Variants in P3H1 observed in about 807,000 individuals in gnomAD.
P3H1 encodes the protein prolyl 3-hydroxylase 1.
Under a neutral mutation model 84.0 loss-of-function variants are expected in P3H1, and 69 were observed. The ratio of observed to expected loss-of-function variants is 0.82; its 90% CI spans 0.68 to 1.00. The LOEUF is 1.00. Ranked by LOEUF, P3H1 falls within the 50% of genes least tolerant of loss-of-function variation. P3H1 has a pLI of 0.00. For missense variants in P3H1, 878 were observed against 962.8 expected, an observed-to-expected ratio of 0.91 and a Z score of 1.17; for synonymous variants, 366 against 388.8, an observed-to-expected ratio of 0.94 and a Z score of 0.69.
intron 13 of P3H1, 146 bp from the exon 14 acceptor site, chr1:42,747,558 C>T: frequency 9.0e-7 from 1 of 1,108,490 alleles, no homozygotes; most frequent in Non-Finnish European, 1.4e-6. Flanking sequence ...GAAAGGGTGA[C>T]TGGTTAGAGG....
At chr1:42,748,739 T>G in intron 11 of P3H1, 3 of 274,900 alleles carry the variant, frequency 1.1e-5, no homozygotes, top group South Asian at 3.8e-5. Context: ...AGAGAAGAGC[T>G]GGCTAGCAAA....
intron 1 of P3H1, among the ~76,000 whole-genome samples, chr1:42,763,999 A>G (rs563865719): frequency 6.6e-5 from 10 of 151,466 alleles, no homozygotes; most frequent in East Asian, 2.0e-4. Flanking sequence ...GCGTGGTGGC[A>G]TGTGCCTGTA....
chr1:42,754,939 C>G lies in P3H1; in HGVS notation c.1275G>C (p.Met425Ile). The change falls in exon 8 of 15, where the codon ATG becomes ATC. Residue 425 changes from methionine (M) to isoleucine (I), a missense_variant. Transcript: ENST00000296388. This position sits in a 1 kb window ranked among gnomAD's most constrained non-coding sequence, Gnocchi z 4.0. ...CTTCCACAAGGGTCTCGATTTCCTT[C>G]ATAAGGTTCCCAATCTCCTGGGAGA... Reference protein sequence around the residue: ...VRISQEIGNLMKEIETLVEEK... With the variant: ...VRISQEIGNLIKEIETLVEEK... 6.2e-7 allele frequency: 1 copy of G among 1,614,232 alleles called. No homozygotes were observed. The highest frequency in any genetic ancestry group is 1.1e-5 in the South Asian group (1 of 91,090).
In P3H1 at chr1:42,751,874, C is replaced by T. The variant is rs540103233; in HGVS notation, c.1569+400G>A. On this transcript the variant is annotated intron_variant, in intron 10 of 14. Coordinates refer to ENST00000296388, the MANE Select transcript of P3H1 (RefSeq NM_022356.4). ...GACAATGAGTACCAGGCCCATCCCA[C>T]GTCCCCACACCCCCACTGAAGCTGC... 227 of 322,272 alleles carry T rather than the reference C, an allele frequency of 7.0e-4. 1 individual carries two copies. The highest frequency in any genetic ancestry group is 3.6e-3 in the East Asian group (46 of 12,774). The allele number at this position is 322,272 out of a possible 1,614,324, so 20.0% of individuals were successfully genotyped here.
chr1:42,750,659 TG>T lies in P3H1; in HGVS notation c.1570-324del, dbSNP rs1232774164. Among the ~76,000 whole-genome samples, 4 of 41,916 alleles carry T rather than the reference TG, an allele frequency of 9.5e-5. 2 individuals carry two copies. Among genetic ancestry groups the T allele is most frequent in the South Asian group, 3.0e-3 (2 of 660 alleles). 27.5% of individuals were successfully genotyped at this position (41,916 alleles called of 152,430 possible). ...CGTCCGGGAGGGAGGCCGGGGGGGG[TG>T]GTCGGCCAGCCGCCCCGTCCGGGAG... On this transcript the variant is annotated intron_variant, in intron 10 of 14. Transcript: ENST00000296388.
In P3H1 at chr1:42,750,655, G is replaced by GA. The variant is rs1301230654; in HGVS notation, c.1570-320_1570-319insT. Among the ~76,000 whole-genome samples, 2,104 of 130,938 alleles carry GA rather than the reference G, an allele frequency of 0.016. 580 individuals are homozygous for GA. The highest frequency in any genetic ancestry group is 0.065 in the African/African-American group (1,999 of 30,700). 85.9% of individuals were successfully genotyped at this position (130,938 alleles called of 152,430 possible). ...ACCCCGTCCGGGAGGGAGGCCGGGG[G>GA]GGGTGGTCGGCCAGCCGCCCCGTCC... On this transcript the variant is annotated intron_variant, in intron 10 of 14. Transcript: ENST00000296388.
At position 42,752,325 on chromosome 1, in the gene P3H1, TG is replaced by T; in HGVS notation, c.1517del (p.Pro506HisfsTer36). The T allele has an allele frequency of 6.2e-7, 1 of 1,614,114 alleles. No individual in the cohort carries two copies. Among genetic ancestry groups the T allele is most frequent in the Non-Finnish European group, 8.5e-7 (1 of 1,180,030 alleles). ...CATAGAACTTTTCATTGGGAGTATG[TG>T]GGGAGGTCTGACCCCGGTAGCCATC... is the stretch of plus-strand genomic sequence containing the variant. ...SGDGYRGQTS[P>X]HTPNEKFYGV... On this transcript the variant is annotated frameshift_variant, in exon 10 of 15. Transcript: ENST00000296388. LOFTEE classifies it high-confidence loss of function.
At position 42,746,590 on chromosome 1, in the gene P3H1, G is replaced by T; in HGVS notation, c.*107C>A. 1.1e-6 allele frequency: 1 copy of T among 888,548 alleles called. No individual in the cohort carries two copies. Among genetic ancestry groups the T allele is most frequent in the Non-Finnish European group, 1.8e-6 (1 of 552,074 alleles). The allele number at this position is 888,548 out of a possible 1,614,324, so 55.0% of individuals were successfully genotyped here. On this transcript the variant is annotated 3_prime_UTR_variant, in exon 15 of 15. Coordinates refer to ENST00000296388, the MANE Select transcript of P3H1 (RefSeq NM_022356.4). ...TGAGCAGGGTCCCCTCGGCTGAGTG[G>T]CAGATGTAGGCTCACTGCTCTGCAG...
At chr1:42,746,941 G>A in intron 14 of P3H1, 89 bp from the exon 15 acceptor site, 2 of 1,614,178 alleles carry the variant, frequency 1.2e-6, no homozygotes, top group Non-Finnish European at 1.7e-6. Flanking sequence ...GGACAAGGAA[G>A]GTTCCTTAAT....
Position 42,746,708 on chromosome 1 carries a change from C to T in P3H1, c.2200G>A (p.Asp734Asn). 6.4e-7 allele frequency: 1 copy of T among 1,551,746 alleles called. No individual in the cohort carries two copies. Among genetic ancestry groups the T allele is most frequent in the Non-Finnish European group, 8.7e-7 (1 of 1,146,994 alleles). ...SLSGSESKPK[D>N]EL is the part of the protein sequence containing the mutation. ...TGACCTGGACGCTGTCATAGCTCATCCTTGGGCTTCGATTCACTGCCTGAG... is the reference window on the plus strand; with the variant it reads ...TGACCTGGACGCTGTCATAGCTCATTCTTGGGCTTCGATTCACTGCCTGAG... Residue 734 changes from aspartate to asparagine, a missense_variant, in exon 15 of 15, where the codon GAT becomes AAT. Coordinates refer to ENST00000296388, the MANE Select transcript of P3H1 (RefSeq NM_022356.4).
intron 11 of P3H1, 48 bp from the exon 12 acceptor site, chr1:42,748,365 G>T: frequency 7.2e-7 from 1 of 1,379,436 alleles, no homozygotes; most frequent in African/African-American, 1.4e-5. Flanking sequence ...TCGGGAGACG[G>T]CATAGCTCTC....
chr1:42,746,993 G>A (rs772647790), intron 14 of P3H1, 141 bp from the exon 15 acceptor site: 5 of 1,614,168 alleles, frequency 3.1e-6, no homozygotes, highest in South Asian at 1.1e-5. Context: ...CTACTCTCTG[G>A]AAAAGGACAG....
chr1:42,759,498 G>T, intron 2 of P3H1, 108 bp from the exon 3 acceptor site: 5 of 918,770 alleles, frequency 5.4e-6, no homozygotes, highest in Admixed American at 2.0e-5. Flanking sequence ...TCAGGTTATG[G>T]ATGGAAAGGG....
intron 6 of P3H1, 118 bp downstream of exon 6, chr1:42,755,430 G>T: frequency 1.9e-6 from 2 of 1,036,884 alleles, no homozygotes; most frequent in Non-Finnish European, 1.5e-6. Flanking sequence ...CAGATCCCAG[G>T]CTAGGCTCAG....
intron 1 of P3H1, among the ~76,000 whole-genome samples, chr1:42,763,723 GGCTA>G (rs906683801): frequency 2.8e-5 from 4 of 145,210 alleles, no homozygotes; most frequent in African/African-American, 1.0e-4. Flanking sequence ...GGGAGAAATA[GGCTA>G]CAGACCACAA....
chr1:42,763,668 G>A (rs1652836946), intron 1 of P3H1, among the ~76,000 whole-genome samples: 1 of 73,326 alleles, frequency 1.4e-5, no homozygotes, highest in African/African-American at 5.7e-5. Context: ...CGAGACTCTT[G>A]TCTCAAAAAA....
chr1:42,748,190 C>T lies in P3H1; in HGVS notation c.1838+10G>A, dbSNP rs1312081975. The T allele has an allele frequency of 2.5e-6, 4 of 1,605,134 alleles. No individual in the cohort carries two copies. The highest frequency in any genetic ancestry group is 3.3e-5 in the Admixed American group (2 of 59,972). ...CAGACCTCCTCACCCTGCACCTGCC[C>T]CGCACTCACCTGTAGTCGCGGAAGG... On this transcript the variant is annotated intron_variant, in intron 12 of 14. Transcript: ENST00000296388.
chr1:42,761,195 C>A (rs1259359574), intron 2 of P3H1: 3 of 151,434 alleles, frequency 2.0e-5, no homozygotes, highest in Non-Finnish European at 1.5e-5. Flanking sequence ...GTCTCAAACT[C>A]CTGACCTTAA....
At chr1:42,757,689 C>A (rs1652475091) in intron 5 of P3H1, 94 bp downstream of exon 5, 30 of 1,580,744 alleles carry the variant, frequency 1.9e-5, no homozygotes, top group Non-Finnish European at 2.6e-5. Context: ...CCCTGCCCTG[C>A]ACGCACAGCG....
Sources: gnomAD v4.1 joint callset for allele counts (sites outside exome capture counted in the v4.1 genomes callset) on GRCh38, gnomAD v4.1.1 for gene constraint, Gnocchi (gnomAD v3.1) non-coding constraint, MANE v1.5 for transcripts, NCBI Gene and HGNC (gene_info 2026-07-23, HGNC 2026-07-21) for gene names.